The following DGKB variants were observed in gnomAD, a reference collection of about 807,000 sequenced individuals.
The protein encoded by DGKB is 90 kDa diacylglycerol kinase.
A neutral mutation model predicts 114.3 loss-of-function variants in DGKB; 67 were observed. The observed-to-expected ratio is 0.59, with a 90% CI of 0.48 to 0.72. The LOEUF is 0.72. Among genes scored for constraint, DGKB ranks in the 30% least tolerant of loss-of-function variants. The pLI, the probability that DGKB is intolerant of heterozygous loss-of-function variation, is 0.00. For missense variants in DGKB, 907 were observed against 975.2 expected, an observed-to-expected ratio of 0.93 and a Z score of 0.93; for synonymous variants, 398 against 323.1, an observed-to-expected ratio of 1.23 and a Z score of -2.49.
At chr7:14,586,706 C>A in intron 17 of DGKB, among the ~76,000 whole-genome samples, 1 of 152,012 alleles carries the variant, frequency 6.6e-6, no homozygotes, top group East Asian at 1.9e-4. Flanking sequence ...TGCTCATTTG[C>A]CATTATGAAA....
chr7:14,194,064 T>C (rs1784689342), intron 23 of DGKB, among the ~76,000 whole-genome samples: 1 of 152,108 alleles, frequency 6.6e-6, no homozygotes, highest in Admixed American at 6.6e-5. Flanking sequence ...CTGGTAAGGT[T>C]GTGGAGAAAT....
chr7:14,822,236 C>T (rs140939392), intron 2 of DGKB, among the ~76,000 whole-genome samples: 54 of 152,124 alleles, frequency 3.5e-4, no homozygotes, highest in Non-Finnish European at 7.1e-4. Flanking sequence ...TAGAAATATA[C>T]ATTTGGAAGT....
At chr7:14,217,748 C>T (rs772610541) in intron 23 of DGKB, among the ~76,000 whole-genome samples, 2 of 152,064 alleles carry the variant, frequency 1.3e-5, no homozygotes, top group Admixed American at 6.6e-5. Context: ...TAGTCCCTTA[C>T]GCTTTCCCTG....
At chr7:14,182,213 A>T (rs1344291637) in intron 23 of DGKB, among the ~76,000 whole-genome samples, 1 of 151,966 alleles carries the variant, frequency 6.6e-6, no homozygotes, top group Non-Finnish European at 1.5e-5. Context: ...AAAATAACAC[A>T]TTAAATTTTA....
chr7:14,819,677 G>A (rs367891335), intron 2 of DGKB, among the ~76,000 whole-genome samples: 2 of 152,062 alleles, frequency 1.3e-5, no homozygotes, highest in African/African-American at 2.4e-5. Context: ...CACATTTTAC[G>A]AATGAAAAAT....
intron 2 of DGKB, among the ~76,000 whole-genome samples, chr7:14,796,335 C>A (rs945395508): frequency 6.6e-6 from 1 of 152,144 alleles, no homozygotes; most frequent in African/African-American, 2.4e-5. Flanking sequence ...ATAGACACCT[C>A]AATTGTTTCA....
intron 2 of DGKB, among the ~76,000 whole-genome samples, chr7:14,802,157 T>C (rs1481052726): frequency 6.6e-6 from 1 of 152,106 alleles, no homozygotes; most frequent in African/African-American, 2.4e-5. Flanking sequence ...ACTTTAACTT[T>C]TATTACAAAC....
intron 23 of DGKB, among the ~76,000 whole-genome samples, chr7:14,324,115 C>G (rs1252008129): frequency 6.6e-6 from 1 of 152,092 alleles, no homozygotes; most frequent in Non-Finnish European, 1.5e-5. Context: ...ATTTACTGAT[C>G]ATTTATGGGA....
intron 9 of DGKB, among the ~76,000 whole-genome samples, chr7:14,689,653 T>C (rs1276204697): frequency 1.3e-5 from 2 of 152,168 alleles, no homozygotes; most frequent in South Asian, 2.1e-4. Context: ...CACCACGTAG[T>C]CATTTTTCTT....
At chr7:14,313,613 C>T (rs994630696) in intron 23 of DGKB, among the ~76,000 whole-genome samples, 1 of 152,176 alleles carries the variant, frequency 6.6e-6, no homozygotes, top group South Asian at 2.1e-4. Flanking sequence ...TATATCCGCA[C>T]CTGGCTCGGA....
At chr7:14,305,682 G>A (rs1394093582) in intron 23 of DGKB, among the ~76,000 whole-genome samples, 1 of 152,080 alleles carries the variant, frequency 6.6e-6, no homozygotes, top group African/African-American at 2.4e-5. Flanking sequence ...TCCTGGCAGT[G>A]GTCCCACAGA....
At chr7:14,158,312 G>T (rs533455847) in intron 25 of DGKB, among the ~76,000 whole-genome samples, 1 of 152,264 alleles carries the variant, frequency 6.6e-6, no homozygotes, top group South Asian at 2.1e-4. Context: ...ATGGCCATCT[G>T]CCTTCTCCCT....
chr7:14,898,283 G>A (rs929262948), intron 1 of DGKB, among the ~76,000 whole-genome samples: 3 of 152,004 alleles, frequency 2.0e-5, no homozygotes, highest in African/African-American at 2.4e-5. Context: ...AACATTGTGC[G>A]AACTGTGGAG....
At chr7:14,627,054 A>T (rs959590281) in intron 14 of DGKB, among the ~76,000 whole-genome samples, 5 of 152,218 alleles carry the variant, frequency 3.3e-5, no homozygotes, top group African/African-American at 1.2e-4. Flanking sequence ...GACATAAAAC[A>T]GGCACTCAGT....
At chr7:14,973,846 A>G (rs1587487311) in intron 1 of DGKB, among the ~76,000 whole-genome samples, 1 of 148,072 alleles carries the variant, frequency 6.8e-6, no homozygotes, top group Admixed American at 6.8e-5. Flanking sequence ...AATAAATCTA[A>G]AATATATTAT....
chr7:14,764,705 T>A lies in DGKB; in HGVS notation c.71-6974A>T, dbSNP rs181170324. ...CAATTTTTATCCTGCTAAATTTTCC[T>A]ATGTATGAATATATATTTTGTCTGA... On this transcript the variant is annotated intron_variant, in intron 2 of 25. Coordinates refer to ENST00000402815, the MANE Select transcript of DGKB (RefSeq NM_001350709.2). 1.9e-3 allele frequency among the ~76,000 whole-genome samples: 291 copies of A among 151,954 alleles called. 1 individual carries two copies. The highest frequency in any genetic ancestry group is 0.014 in the Middle Eastern group (4 of 294).
At chr7:14,898,802 C>T (rs1220038311) in intron 1 of DGKB, among the ~76,000 whole-genome samples, 2 of 152,066 alleles carry the variant, frequency 1.3e-5, no homozygotes, top group Admixed American at 1.3e-4. Context: ...GGAGCGAGTC[C>T]ATTTATTCTC....
chr7:14,523,505 T>C (rs990666825), intron 20 of DGKB, among the ~76,000 whole-genome samples: 3 of 152,170 alleles, frequency 2.0e-5, no homozygotes, highest in African/African-American at 7.2e-5. Flanking sequence ...TAGTCTTCCA[T>C]ACAGTAAGCT....
At chr7:14,168,147 A>G in intron 25 of DGKB, among the ~76,000 whole-genome samples, 1 of 152,346 alleles carries the variant, frequency 6.6e-6, no homozygotes, top group East Asian at 1.9e-4. Context: ...AAATTTTAAA[A>G]CTGAAAAATA....
Sources: gnomAD v4.1 joint callset for allele counts (sites outside exome capture counted in the v4.1 genomes callset) on GRCh38, gnomAD v4.1.1 for gene constraint, MANE v1.5 for transcripts, NCBI Gene and HGNC (gene_info 2026-07-23, HGNC 2026-07-21) for gene names.